Variants in TMEM117 observed in about 807,000 individuals in gnomAD.
TMEM117 encodes the protein transmembrane protein 117.
Under a neutral mutation model 52.4 loss-of-function variants are expected in TMEM117, and 27 were observed. That is an observed-to-expected ratio of 0.51 (90% CI 0.38 to 0.71). The LOEUF (loss-of-function observed/expected upper bound fraction) is 0.71. TMEM117 is among the 30% of genes least tolerant of loss of function. The pLI is 0.00. For synonymous variants in TMEM117, 215 were observed against 206.3 expected (o/e 1.04, Z -0.36); for missense variants, 556 against 630.5 (o/e 0.88, Z 1.26).
chr12:43,804,621 A>G, the TMEM117 span: 1 of 1,301,456 alleles, frequency 7.7e-7, no homozygotes, highest in African/African-American at 1.5e-5. Flanking sequence ...ACATATAAAT[A>G]CTTTCCTATC....
chr12:44,311,869 A>ATATATG (rs1339231056), intron 6 of TMEM117, among the ~76,000 whole-genome samples: 2 of 70,260 alleles, frequency 2.8e-5, no homozygotes, highest in Admixed American at 1.7e-4. Flanking sequence ...ATATATATGT[A>ATATATG]TATATATGTA....
intron 4 of TMEM117, among the ~76,000 whole-genome samples, chr12:44,167,697 A>AGGG (rs1218533691): frequency 6.6e-6 from 1 of 152,084 alleles, no homozygotes; most frequent in Non-Finnish European, 1.5e-5. Context: ...GTAGAATCAG[A>AGGG]GGGGTTCTTG....
At chr12:44,023,818 T>TG (rs1331084741) in intron 3 of TMEM117, among the ~76,000 whole-genome samples, 1 of 43,932 alleles carries the variant, frequency 2.3e-5, no homozygotes, top group Non-Finnish European at 4.3e-5. Flanking sequence ...TGTTGTGGGG[T>TG]GGGGGGAGGG....
chr12:44,090,396 C>CTTTT (rs201492790), intron 3 of TMEM117, among the ~76,000 whole-genome samples: 31 of 143,920 alleles, frequency 2.2e-4, no homozygotes, highest in Admixed American at 5.0e-4. Flanking sequence ...TTTTATCTTA[C>CTTTT]TTTTTATTTA....
chr12:44,192,338 G>C (rs1949366097), intron 4 of TMEM117, among the ~76,000 whole-genome samples: 1 of 152,104 alleles, frequency 6.6e-6, no homozygotes, highest in Admixed American at 6.6e-5. Context: ...TACTGTTTTT[G>C]GTGTTTTCAT....
At chr12:44,146,237 T>G (rs1338415795) in intron 4 of TMEM117, among the ~76,000 whole-genome samples, 4 of 152,188 alleles carry the variant, frequency 2.6e-5, no homozygotes, top group African/African-American at 9.7e-5. Context: ...TTTGTCTCCT[T>G]TCAAGGTCTG....
At chr12:43,997,204 A>G (rs918484515) in intron 3 of TMEM117, among the ~76,000 whole-genome samples, 2 of 152,238 alleles carry the variant, frequency 1.3e-5, no homozygotes, top group South Asian at 2.1e-4. Context: ...CAAAACCTGC[A>G]TATGCAACCA....
chr12:44,018,070 G>A (rs893581247), intron 3 of TMEM117, among the ~76,000 whole-genome samples: 3 of 152,064 alleles, frequency 2.0e-5, no homozygotes, highest in Admixed American at 2.0e-4. Context: ...GCTGCTCTTG[G>A]TGACTAGGCC....
chr12:44,169,453 T>C (rs1394832986), intron 4 of TMEM117, among the ~76,000 whole-genome samples: 2 of 152,244 alleles, frequency 1.3e-5, no homozygotes, highest in African/African-American at 2.4e-5. Flanking sequence ...TTAGTGATGG[T>C]TAAGTATCTT....
chr12:43,939,838 T>TGGAA (rs1945015512), intron 2 of TMEM117, among the ~76,000 whole-genome samples: 1 of 152,174 alleles, frequency 6.6e-6, no homozygotes, highest in Non-Finnish European at 1.5e-5. Context: ...TAATCGACTC[T>TGGAA]TAATTCCACA....
At chr12:44,245,566 T>TC (rs59644020) in intron 5 of TMEM117, among the ~76,000 whole-genome samples, 29,632 of 151,800 alleles carry the variant, frequency 0.2, 6,143 homozygotes, top group African/African-American at 0.53. Context: ...TTAACTGAAT[T>TC]ATTTATCAGT....
At chr12:43,994,714 T>C (rs936622514) in intron 3 of TMEM117, among the ~76,000 whole-genome samples, 1 of 152,170 alleles carries the variant, frequency 6.6e-6, no homozygotes, top group African/African-American at 2.4e-5. Context: ...CCTTTTCTCA[T>C]AGTGAATATA....
intron 3 of TMEM117, among the ~76,000 whole-genome samples, chr12:43,979,738 C>G (rs1055127537): frequency 3.3e-5 from 5 of 152,098 alleles, no homozygotes; most frequent in African/African-American, 1.2e-4. Flanking sequence ...TGGGTGAATT[C>G]CAAAGGCTGT....
chr12:43,963,291 A>T lies in TMEM117; in HGVS notation c.410+18949A>T, dbSNP rs187452970. On this transcript the variant is annotated intron_variant, in intron 3 of 7. Transcript: ENST00000266534. ...GGTAATAAAATCTAGTTATTAAAGCATTTTACTTTTATTAGAGAATTTGAT... is the reference window on the plus strand; with the variant it reads ...GGTAATAAAATCTAGTTATTAAAGCTTTTTACTTTTATTAGAGAATTTGAT... 1.2e-4 allele frequency among the ~76,000 whole-genome samples: 18 copies of T among 152,152 alleles called. No homozygotes were observed. The East Asian group carries it at 3.5e-3, about 29-fold the overall frequency.
intron 5 of TMEM117, among the ~76,000 whole-genome samples, chr12:44,264,753 T>C (rs753398653): frequency 6.6e-6 from 1 of 152,100 alleles, no homozygotes; most frequent in Non-Finnish European, 1.5e-5. Flanking sequence ...GGTTTGAATA[T>C]ATGAAAATCA....
chr12:43,915,653 G>A (rs565728846), intron 2 of TMEM117, among the ~76,000 whole-genome samples: 138 of 152,054 alleles, frequency 9.1e-4, no homozygotes, highest in African/African-American at 3.1e-3. Flanking sequence ...CTGCTCAGGC[G>A]AGACCTAGGA....
chr12:44,012,751 G>A (rs1402323083), intron 3 of TMEM117, among the ~76,000 whole-genome samples: 3 of 152,030 alleles, frequency 2.0e-5, no homozygotes, highest in Admixed American at 6.6e-5. Context: ...GCATATTAAC[G>A]ATAGTTTTTA....
chr12:44,387,911 C>T, intron 7 of TMEM117, 115 bp from the exon 8 acceptor site: 1 of 944,388 alleles, frequency 1.1e-6, no homozygotes, highest in Non-Finnish European at 1.5e-6. Flanking sequence ...AATTGTTAAC[C>T]AGTCTGAAAC....
At chr12:43,947,713 T>C (rs1421138566) in intron 3 of TMEM117, among the ~76,000 whole-genome samples, 1 of 152,242 alleles carries the variant, frequency 6.6e-6, no homozygotes, top group Non-Finnish European at 1.5e-5. Context: ...CCAATGTGTC[T>C]TTGTTTATAG....
Sources: gnomAD v4.1 joint callset for allele counts (sites outside exome capture counted in the v4.1 genomes callset) on GRCh38, gnomAD v4.1.1 for gene constraint, MANE v1.5 for transcripts, NCBI Gene and HGNC (gene_info 2026-07-23, HGNC 2026-07-21) for gene names.